Variants in LRRFIP1 observed in about 807,000 individuals in gnomAD.
The protein encoded by LRRFIP1 is LRR binding FLII interacting protein 1.
A neutral mutation model predicts 104.4 loss-of-function variants in LRRFIP1; 62 were observed. That is an observed-to-expected ratio of 0.59 (90% CI 0.48 to 0.73). The LOEUF (loss-of-function observed/expected upper bound fraction) is 0.73, where lower values mean the gene tolerates loss of function less well. LRRFIP1 is among the 30% of genes least tolerant of loss of function. The probability of loss-of-function intolerance (pLI) is 0.00; values close to 1 mark genes in which losing one functional copy is unlikely to be tolerated. For synonymous variants in LRRFIP1, 300 were observed against 299.0 expected, an observed-to-expected ratio of 1.00 and a Z score of -0.03; for missense variants, 796 against 824.5, an observed-to-expected ratio of 0.97 and a Z score of 0.42.
chr2:237,706,474 C>A (rs1164895976), intron 1 of LRRFIP1, among the ~76,000 whole-genome samples: 3 of 152,190 alleles, frequency 2.0e-5, no homozygotes, highest in African/African-American at 7.2e-5. Context: ...GGCTTAGAAA[C>A]TGAGCCAATG....
chr2:237,740,287 G>A (rs867506855), intron 11 of LRRFIP1, among the ~76,000 whole-genome samples: 2 of 151,668 alleles, frequency 1.3e-5, no homozygotes, highest in East Asian at 1.9e-4. Flanking sequence ...GTGGAGGCAC[G>A]CATCTGTAGT....
At chr2:237,753,012 G>A (rs185740378) in intron 14 of LRRFIP1, among the ~76,000 whole-genome samples, 171 of 152,322 alleles carry the variant, frequency 1.1e-3, no homozygotes, top group African/African-American at 4.0e-3. Flanking sequence ...ACTGAGTGGG[G>A]CCAGAGACTC....
intron 1 of LRRFIP1, among the ~76,000 whole-genome samples, chr2:237,665,582 A>G (rs2089057895): frequency 6.6e-6 from 1 of 152,254 alleles, no homozygotes; most frequent in Non-Finnish European, 1.5e-5. Context: ...ACTGCCAAAA[A>G]CAACTACAAA....
chr2:237,750,725 C>T (rs2058521439), intron 13 of LRRFIP1, among the ~76,000 whole-genome samples: 1 of 152,170 alleles, frequency 6.6e-6, no homozygotes, highest in Admixed American at 6.5e-5. Flanking sequence ...TTCATTTGTT[C>T]AGGTACTTAC....
At chr2:237,640,826 G>A (rs1414744884) in intron 1 of LRRFIP1, among the ~76,000 whole-genome samples, 1 of 152,144 alleles carries the variant, frequency 6.6e-6, no homozygotes, top group Non-Finnish European at 1.5e-5. Context: ...CCCAGCGAGA[G>A]AAGCCCGAGA....
chr2:237,739,952 C>A (rs3769069), intron 11 of LRRFIP1, among the ~76,000 whole-genome samples: 1 of 151,896 alleles, frequency 6.6e-6, no homozygotes. Flanking sequence ...TGGACTGGGG[C>A]TTGTGGGAAT....
At chr2:237,697,899 T>C (rs548710699) in intron 1 of LRRFIP1, among the ~76,000 whole-genome samples, 2 of 152,292 alleles carry the variant, frequency 1.3e-5, no homozygotes, top group East Asian at 3.9e-4. Context: ...GAAGGAAATA[T>C]GAAGATTCAT....
rs2092799372 is a variant in LRRFIP1 at position 237,691,942 on chromosome 2, A to G, written c.97-16602A>G. 1.7e-5 allele frequency among the ~76,000 whole-genome samples: 2 copies of G among 119,236 alleles called. No homozygotes were observed. Among genetic ancestry groups the G allele is most frequent in the Non-Finnish European group, 1.7e-5 (1 of 57,152 alleles). 78.2% of individuals were successfully genotyped at this position (119,236 alleles called of 152,430 possible). A position where few individuals can be genotyped will look rare whatever the true frequency, so the allele number is the denominator to read the frequency against. On this transcript the variant is annotated intron_variant, in intron 1 of 23. Coordinates refer to ENST00000308482, the MANE Select transcript of LRRFIP1 (RefSeq NM_001137550.2). The surrounding 1 kb of genome is among the most constrained non-coding windows in gnomAD (Gnocchi z 5.4). ...CGGGGCTCGCGTTAAGGGAGCGCGG[A>G]AGGGCGGGACAGGCCGTGGGGCGGG... is the stretch of plus-strand genomic sequence containing the variant.
At chr2:237,707,295 T>G (rs2093857922) in intron 1 of LRRFIP1, among the ~76,000 whole-genome samples, 1 of 150,694 alleles carries the variant, frequency 6.6e-6, no homozygotes, top group East Asian at 1.9e-4. Context: ...GAGCCGGTTG[T>G]GGTGGTGCAA....
At chr2:237,775,947 T>G (rs1438273801) in intron 23 of LRRFIP1, among the ~76,000 whole-genome samples, 1 of 152,028 alleles carries the variant, frequency 6.6e-6, no homozygotes, top group Non-Finnish European at 1.5e-5. Context: ...ATTTATTTAT[T>G]TATTTTATTT....
Position 237,717,487 on chromosome 2 carries a change from C to T in LRRFIP1, c.202-275C>T, listed in dbSNP as rs748583050. ...TACTGTCCTGCTCTCCCCCGAGGCC[C>T]TTCACCTGGGGAAGCTTCGTCCTGG... On this transcript the variant is annotated intron_variant, in intron 3 of 23. Transcript: ENST00000308482. The surrounding 1 kb of genome is among the most constrained non-coding windows in gnomAD (Gnocchi z 4.2). 2.0e-5 allele frequency among the ~76,000 whole-genome samples: 3 copies of T among 152,228 alleles called. No homozygotes were observed. Among genetic ancestry groups the T allele is most frequent in the Non-Finnish European group, 2.9e-5 (2 of 68,044 alleles).
chr2:237,765,257 C>G (rs911858888), intron 19 of LRRFIP1: 6 of 149,712 alleles, frequency 4.0e-5, no homozygotes, highest in Non-Finnish European at 7.9e-5. Flanking sequence ...GAGCGAAACT[C>G]TGTCTAAAAA....
rs1250858478 is a variant in LRRFIP1 at position 237,691,908 on chromosome 2, G to A, written c.97-16636G>A. 6.6e-6 allele frequency among the ~76,000 whole-genome samples: 1 copy of A among 151,344 alleles called. No individual in the cohort carries two copies. The highest frequency in any genetic ancestry group is 1.9e-4 in the East Asian group (1 of 5,140). On this transcript the variant is annotated intron_variant, in intron 1 of 23. Transcript: ENST00000308482. The surrounding 1 kb of genome is among the most constrained non-coding windows in gnomAD (Gnocchi z 5.4). ...AAGATCCTTCCGAGACGGAGCGCGGGGGGCGGGGCGGGGCTCGCGTTAAGG... is the reference window on the plus strand; with the variant it reads ...AAGATCCTTCCGAGACGGAGCGCGGAGGGCGGGGCGGGGCTCGCGTTAAGG...
In LRRFIP1 at chr2:237,735,590, A is replaced by C; in HGVS notation, c.555+257A>C. Reference sequence around the variant, plus strand: ...GAGTTTCATCTGCTCTCTCTGCAGCACGCCAACCATACTAACAGGTGGTGA... The same window carrying C: ...GAGTTTCATCTGCTCTCTCTGCAGCCCGCCAACCATACTAACAGGTGGTGA... On this transcript the variant is annotated intron_variant, in intron 10 of 23. Transcript: ENST00000308482. The surrounding 1 kb of genome is among the most constrained non-coding windows in gnomAD (Gnocchi z 4.6). 2.3e-6 allele frequency: 1 copy of C among 435,124 alleles called. No individual in the cohort carries two copies. Among genetic ancestry groups the C allele is most frequent in the Non-Finnish European group, 4.1e-6 (1 of 243,856 alleles). 27.0% of individuals were successfully genotyped at this position (435,124 alleles called of 1,614,324 possible). A position where few individuals can be genotyped will look rare whatever the true frequency, so the allele number is the denominator to read the frequency against.
At chr2:237,672,403 A>T (rs2090492884) in intron 1 of LRRFIP1, among the ~76,000 whole-genome samples, 1 of 152,226 alleles carries the variant, frequency 6.6e-6, no homozygotes, top group Non-Finnish European at 1.5e-5. Context: ...GTGGCTTTTT[A>T]AAAAATAGTA....
In LRRFIP1 at chr2:237,753,330, G is replaced by A; in HGVS notation, c.889G>A (p.Glu297Lys). The change falls in exon 15 of 24, where the codon GAG (glutamate) becomes AAG (lysine). Residue 297 changes from glutamate (E) to lysine (K), a missense_variant. Transcript: ENST00000308482. Reference protein sequence around the residue: ...EMKDSLAEVEEKYKKAMVSNA... With the variant: ...EMKDSLAEVEKKYKKAMVSNA... ...ACAGGACTCTCTAGCAGAAGTTGAA[G>A]AGAAATATAAGAAGGCTATGGTTTC... 6.3e-7 allele frequency: 1 copy of A among 1,586,054 alleles called. No individual in the cohort carries two copies. The highest frequency in any genetic ancestry group is 8.5e-7 in the Non-Finnish European group (1 of 1,173,350).
chr2:237,702,430 T>G (rs2093588368), intron 1 of LRRFIP1, among the ~76,000 whole-genome samples: 1 of 152,130 alleles, frequency 6.6e-6, no homozygotes. Flanking sequence ...GGCTGTGTGT[T>G]CTGAACAGGA....
intron 1 of LRRFIP1, among the ~76,000 whole-genome samples, chr2:237,674,940 G>A (rs1163051169): frequency 1.3e-5 from 2 of 152,242 alleles, no homozygotes; most frequent in Non-Finnish European, 2.9e-5. Context: ...CCAGAGCTGT[G>A]CCCTATCGGG....
chr2:237,773,997 C>T (rs888486337), intron 22 of LRRFIP1: 4 of 196,356 alleles, frequency 2.0e-5, no homozygotes, highest in Non-Finnish European at 4.2e-5. Context: ...AGAGATTAGA[C>T]TGGAGCTGAG....
Sources: gnomAD v4.1 joint callset for allele counts (sites outside exome capture counted in the v4.1 genomes callset) on GRCh38, gnomAD v4.1.1 for gene constraint, Gnocchi (gnomAD v3.1) non-coding constraint, MANE v1.5 for transcripts, NCBI Gene and HGNC (gene_info 2026-07-23, HGNC 2026-07-21) for gene names.